CNIH1: variants seen among roughly 807,000 people sequenced by gnomAD.
CNIH1 encodes the protein protein cornichon homolog 1.
Under a neutral mutation model 20.2 loss-of-function variants are expected in CNIH1, and 12 were observed. That is an observed-to-expected ratio of 0.59 (90% CI 0.38 to 0.96). The LOEUF (loss-of-function observed/expected upper bound fraction) is 0.96, where lower values mean the gene tolerates loss of function less well. CNIH1 is among the 40% of genes least tolerant of loss of function. The pLI is 0.00. For missense variants in CNIH1, 152 were observed against 178.8 expected (o/e 0.85, Z 0.85); for synonymous variants, 69 against 63.3 (o/e 1.09, Z -0.43).
chr14:54,430,427 G>A (rs1378900690), intron 3 of CNIH1, 23 bp from the exon 4 acceptor site: 2 of 1,590,650 alleles, frequency 1.3e-6, no homozygotes, highest in Non-Finnish European at 1.7e-6. Context: ...CAGTCTATTA[G>A]GCATTCAGAA....
At chr14:54,431,469 T>C (rs1202599003) in intron 3 of CNIH1, among the ~76,000 whole-genome samples, 2 of 152,204 alleles carry the variant, frequency 1.3e-5, no homozygotes, top group Middle Eastern at 3.2e-3. Context: ...ATTGTAGACC[T>C]GATAACACTT....
Position 54,425,148 on chromosome 14 carries a change from G to A in CNIH1, c.*2666C>T, listed in dbSNP as rs1393457162. 6.6e-6 allele frequency: 1 copy of A among 151,882 alleles called. No individual in the cohort carries two copies. The highest frequency in any genetic ancestry group is 2.4e-5 in the African/African-American group (1 of 41,290). The allele number at this position is 151,882 out of a possible 1,614,324, so 9.4% of individuals were successfully genotyped here. Reference sequence around the variant, plus strand: ...CTCCTTAGTATTAAAGGGCCATACTGCCACAATATAGTATTATTACTCAGT... The same window carrying A: ...CTCCTTAGTATTAAAGGGCCATACTACCACAATATAGTATTATTACTCAGT... On this transcript the variant is annotated 3_prime_UTR_variant, in exon 5 of 5. Transcript: ENST00000216416.
At chr14:54,438,346 A>T (rs1428590562) in intron 1 of CNIH1, among the ~76,000 whole-genome samples, 1 of 151,966 alleles carries the variant, frequency 6.6e-6, no homozygotes, top group East Asian at 1.9e-4. Context: ...GGGTTTTCGA[A>T]CCTCTTCTGA....
intron 1 of CNIH1, among the ~76,000 whole-genome samples, chr14:54,438,039 G>C (rs1050477320): frequency 6.6e-6 from 1 of 151,450 alleles, no homozygotes; most frequent in African/African-American, 2.4e-5. Flanking sequence ...GAGTGCAGTG[G>C]CACAATCTCG....
intron 4 of CNIH1, among the ~76,000 whole-genome samples, chr14:54,428,125 A>G (rs148748875): frequency 2.0e-5 from 3 of 152,246 alleles, no homozygotes; most frequent in Admixed American, 6.5e-5. Flanking sequence ...AGCCATCCAA[A>G]CATCACACAC....
intron 3 of CNIH1, 107 bp downstream of exon 3, chr14:54,432,001 T>C: frequency 4.0e-6 from 2 of 499,778 alleles, no homozygotes. Flanking sequence ...AAATGCCAAC[T>C]GATCTTCCAT....
chr14:54,430,391 G>T lies in CNIH1; in HGVS notation c.277C>A (p.Pro93Thr). The change falls in exon 4 of 5, where the codon CCA (proline) becomes ACA (threonine). Residue 93 changes from proline to threonine, a missense_variant. By Grantham distance (38) the Pro-to-Thr change is conservative. Transcript: ENST00000216416. Reference sequence around the variant, plus strand: ...TAGAGTCCTGGGCCACTCATCACTGGTCTACTCATATACCTGGAATAAACA... The same window carrying T: ...TAGAGTCCTGGGCCACTCATCACTGTTCTACTCATATACCTGGAATAAACA... ...AYHIWRYMSRPVMSGPGLYDP... is the reference protein window; with the variant it reads ...AYHIWRYMSRTVMSGPGLYDP... The T allele has an allele frequency of 6.2e-7, 1 of 1,613,892 alleles. No homozygotes were observed. Among genetic ancestry groups the T allele is most frequent in the Non-Finnish European group, 8.5e-7 (1 of 1,179,886 alleles).
At chr14:54,441,169 CGGCCCGGACCGCG>C (rs1164274677) in intron 1 of CNIH1, 65 bp downstream of exon 1, 4 of 1,353,996 alleles carry the variant, frequency 3.0e-6, no homozygotes, top group African/African-American at 1.5e-5. Context: ...GCGGCCGTGG[CGGCCCGGACCGCG>C]GGCCCGGGGC....
intron 1 of CNIH1, among the ~76,000 whole-genome samples, chr14:54,439,516 C>G (rs1353343418): frequency 1.3e-5 from 2 of 151,912 alleles, no homozygotes; most frequent in African/African-American, 4.8e-5. Flanking sequence ...AAAGCTACAT[C>G]TACAGATGGA....
intron 1 of CNIH1, among the ~76,000 whole-genome samples, chr14:54,437,535 G>A (rs919107820): frequency 3.3e-5 from 5 of 151,940 alleles, no homozygotes; most frequent in Non-Finnish European, 7.4e-5. Context: ...TAAAACATTA[G>A]AATGTAATCT....
chr14:54,435,229 T>G (rs550574254), intron 2 of CNIH1, among the ~76,000 whole-genome samples: 1 of 152,252 alleles, frequency 6.6e-6, no homozygotes, highest in Admixed American at 6.5e-5. Context: ...AAAGAGTATC[T>G]TCCTAAATGC....
chr14:54,440,405 T>C (rs1299353929), intron 1 of CNIH1, among the ~76,000 whole-genome samples: 1 of 152,220 alleles, frequency 6.6e-6, no homozygotes, highest in East Asian at 1.9e-4. Flanking sequence ...TAGAACTATG[T>C]CACAGGGAAC....
intron 1 of CNIH1, among the ~76,000 whole-genome samples, chr14:54,439,225 T>G (rs1021489574): frequency 8.5e-5 from 13 of 152,174 alleles, no homozygotes; most frequent in African/African-American, 3.1e-4. Flanking sequence ...TCCAAAAGGA[T>G]ACTAATTCTC....
chr14:54,440,944 G>C (rs917562544), intron 1 of CNIH1, among the ~76,000 whole-genome samples: 12 of 151,886 alleles, frequency 7.9e-5, no homozygotes, highest in African/African-American at 2.7e-4. Flanking sequence ...GCAGAGGTCG[G>C]TGCGAACGCA....
At chr14:54,430,128 G>T in intron 4 of CNIH1, 133 bp downstream of exon 4, 1 of 867,442 alleles carries the variant, frequency 1.2e-6, no homozygotes, top group Non-Finnish European at 1.8e-6. Flanking sequence ...GTGCGAATTT[G>T]CTGGTGTGCA....
intron 2 of CNIH1, chr14:54,435,983 G>C: frequency 3.0e-6 from 2 of 660,310 alleles, no homozygotes; most frequent in Non-Finnish European, 5.5e-6. Flanking sequence ...GCATATGAAC[G>C]AGCACACTGA....
rs2030819244 is a variant in CNIH1, at chr14:54,425,935, C to G, written c.*1879G>C. Reference sequence around the variant, plus strand: ...TCACGAAAATATTTTGACAGGAATACTCAAGTAACAGCCCCAGGAAACCCA... The same window carrying G: ...TCACGAAAATATTTTGACAGGAATAGTCAAGTAACAGCCCCAGGAAACCCA... On this transcript the variant is annotated 3_prime_UTR_variant, in exon 5 of 5. Coordinates refer to ENST00000216416, the MANE Select transcript of CNIH1 (RefSeq NM_005776.3). 1 of 152,174 alleles carries G rather than the reference C, an allele frequency of 6.6e-6. No individual in the cohort carries two copies. Among genetic ancestry groups the G allele is most frequent in the African/African-American group, 2.4e-5 (1 of 41,436 alleles). The allele number at this position is 152,174 out of a possible 1,614,324, so 9.4% of individuals were successfully genotyped here.
intron 3 of CNIH1, among the ~76,000 whole-genome samples, chr14:54,430,806 G>GT (rs1052584094): frequency 1.3e-4 from 20 of 151,482 alleles, no homozygotes; most frequent in East Asian, 3.9e-4. Context: ...CTGAGTACTG[G>GT]TTTTTTTTGG....
rs2030796148 is a variant in CNIH1 at position 54,424,906 on chromosome 14, A to G, written c.*2908T>C. On this transcript the variant is annotated 3_prime_UTR_variant, in exon 5 of 5. Transcript: ENST00000216416. ...ATTACTTATACTCGATCCATACTCA[A>G]GTCAAAAGTGGATGGTCTTGGTCAT... The G allele has an allele frequency of 6.6e-6, 1 of 152,190 alleles. No homozygotes were observed. The highest frequency in any genetic ancestry group is 1.5e-5 in the Non-Finnish European group (1 of 68,032). 9.4% of individuals were successfully genotyped at this position (152,190 alleles called of 1,614,324 possible). A position where few individuals can be genotyped will look rare whatever the true frequency, so the allele number is the denominator to read the frequency against.
Sources: gnomAD v4.1 joint callset for allele counts (sites outside exome capture counted in the v4.1 genomes callset) on GRCh38, gnomAD v4.1.1 for gene constraint, MANE v1.5 for transcripts, NCBI Gene and HGNC (gene_info 2026-07-23, HGNC 2026-07-21) for gene names.